Variants in DCAF7 observed in about 807,000 individuals in gnomAD.
DCAF7 encodes DDB1- and CUL4-associated factor 7.
DCAF7 carries 4 observed loss-of-function variants against 41.2 expected under a neutral mutation model. The observed-to-expected ratio is 0.10, with a 90% CI of 0.05 to 0.22. The LOEUF is 0.22. Among genes scored for constraint, DCAF7 ranks in the 10% least tolerant of loss-of-function variants. The pLI, the probability that DCAF7 is intolerant of heterozygous loss-of-function variation, is 1.00. For synonymous variants in DCAF7, 143 were observed against 164.2 expected, an observed-to-expected ratio of 0.87 and a Z score of 0.99; for missense variants, 131 against 443.2, an observed-to-expected ratio of 0.30 and a Z score of 6.32.
At chr17:63,564,645 C>T (rs2033421349) in intron 1 of DCAF7, among the ~76,000 whole-genome samples, 1 of 152,222 alleles carries the variant, frequency 6.6e-6, no homozygotes. Flanking sequence ...GGAGGATGGT[C>T]AGGCCCATTC....
chr17:63,575,056 C>G (rs771015192), intron 1 of DCAF7, among the ~76,000 whole-genome samples: 1 of 151,914 alleles, frequency 6.6e-6, no homozygotes, highest in Non-Finnish European at 1.5e-5. Context: ...GTAGCTCATG[C>G]CAATAATCCC....
rs759789614 is a variant in DCAF7, at chr17:63,550,510, G to A, written c.-168G>A. 1.1e-5 allele frequency: 12 copies of A among 1,105,310 alleles called. No individual in the cohort carries two copies. The highest frequency in any genetic ancestry group is 2.7e-5 in the East Asian group (1 of 37,354). The allele number at this position is 1,105,310 out of a possible 1,614,324, so 68.5% of individuals were successfully genotyped here. On this transcript the variant is annotated 5_prime_UTR_variant, in exon 1 of 7. Coordinates refer to ENST00000614556, the MANE Select transcript of DCAF7 (RefSeq NM_005828.5). This position sits in a 1 kb window ranked among gnomAD's most constrained non-coding sequence, Gnocchi z 4.8. Reference sequence around the variant, plus strand: ...TTCCCAAGCTGGTTTGAAACTAGGGGTCGGGCTCGGCCGTCGTCGTTGTTT... The same window carrying A: ...TTCCCAAGCTGGTTTGAAACTAGGGATCGGGCTCGGCCGTCGTCGTTGTTT...
intron 1 of DCAF7, among the ~76,000 whole-genome samples, chr17:63,565,505 G>A (rs2033430764): frequency 6.6e-6 from 1 of 152,074 alleles, no homozygotes; most frequent in Admixed American, 6.6e-5. Flanking sequence ...GGTAGAAGTT[G>A]TGGTGAGCCA....
At chr17:63,570,928 G>A (rs528878536) in intron 1 of DCAF7, among the ~76,000 whole-genome samples, 2 of 152,272 alleles carry the variant, frequency 1.3e-5, no homozygotes, top group Non-Finnish European at 2.9e-5. Flanking sequence ...GCTCATGCCT[G>A]TAATCCCAGC....
chr17:63,570,031 T>C (rs2033488347), intron 1 of DCAF7, among the ~76,000 whole-genome samples: 1 of 152,106 alleles, frequency 6.6e-6, no homozygotes, highest in Admixed American at 6.5e-5. Context: ...TTTTTCCAAG[T>C]ACTTTGGTAA....
In DCAF7 at chr17:63,550,614, G is replaced by T; in HGVS notation, c.-64G>T. 1 of 1,592,950 alleles carries T rather than the reference G, an allele frequency of 6.3e-7. No individual in the cohort carries two copies. ...CTCCCTTCGGACCCATAGATCTCAGGCTCGGCTCCCCGCCCGCCGCAGCCC... is the reference window on the plus strand; with the variant it reads ...CTCCCTTCGGACCCATAGATCTCAGTCTCGGCTCCCCGCCCGCCGCAGCCC... On this transcript the variant is annotated 5_prime_UTR_variant, in exon 1 of 7. Transcript: ENST00000614556. This position sits in a 1 kb window ranked among gnomAD's most constrained non-coding sequence, Gnocchi z 4.8.
chr17:63,551,142 T>C (rs1036316826), intron 1 of DCAF7, among the ~76,000 whole-genome samples: 22 of 152,112 alleles, frequency 1.4e-4, no homozygotes, highest in African/African-American at 4.3e-4. Flanking sequence ...CATCCCGTGC[T>C]CTCCACTCCT....
chr17:63,577,795 C>T (rs2033578536), intron 1 of DCAF7, among the ~76,000 whole-genome samples: 1 of 152,158 alleles, frequency 6.6e-6, no homozygotes, highest in African/African-American at 2.4e-5. Context: ...GTCATTGTGG[C>T]AGCCAAGAAC....
At chr17:63,577,722 A>G (rs760773691) in intron 1 of DCAF7, among the ~76,000 whole-genome samples, 1 of 152,274 alleles carries the variant, frequency 6.6e-6, no homozygotes, top group Non-Finnish European at 1.5e-5. Context: ...AGTTTGTTTA[A>G]TGAAATTGCA....
rs1343671828 is a variant in DCAF7 at position 63,593,027 on chromosome 17, A to T, written c.*3855A>T. On this transcript the variant is annotated 3_prime_UTR_variant, in exon 7 of 7. Transcript: ENST00000614556. ...CAGGGTTTACCACACGTGGGAGGGC[A>T]GCCCAGTACTGTCCCTCTGCCTTCC... is the stretch of plus-strand genomic sequence containing the variant. The T allele has an allele frequency of 3.9e-5, 6 of 152,266 alleles. No individual in the cohort carries two copies. Among genetic ancestry groups the T allele is most frequent in the Non-Finnish European group, 8.8e-5 (6 of 68,064 alleles). 9.4% of individuals were successfully genotyped at this position (152,266 alleles called of 1,614,324 possible).
At position 63,583,685 on chromosome 17, in the gene DCAF7, G is replaced by T. The variant is rs754893586; in HGVS notation, c.712G>T (p.Ala238Ser). The T allele has an allele frequency of 5.0e-6, 8 of 1,613,852 alleles. No homozygotes were observed. Among genetic ancestry groups the T allele is most frequent in the Non-Finnish European group, 6.8e-6 (8 of 1,179,826 alleles). The change falls in exon 5 of 7, where the codon GCC becomes TCC. Residue 238 changes from alanine (A) to serine (S), a missense_variant. Transcript: ENST00000614556. ...GAACAAGCAGGACCCTAACTACCTG[G>T]CCACCATGGCCATGGATGGAATGGA... ...CWNKQDPNYLATMAMDGMEVV... is the reference protein window; with the variant it reads ...CWNKQDPNYLSTMAMDGMEVV...
At chr17:63,572,988 C>T (rs1209748080) in intron 1 of DCAF7, among the ~76,000 whole-genome samples, 1 of 152,170 alleles carries the variant, frequency 6.6e-6, no homozygotes, top group Non-Finnish European at 1.5e-5. Context: ...GTCTCGAATT[C>T]CTGGGCTCAA....
In DCAF7 at chr17:63,590,789, T is replaced by A. The variant is rs1288434343; in HGVS notation, c.*1617T>A. The A allele has an allele frequency of 6.6e-6, 1 of 152,246 alleles. No individual in the cohort carries two copies. Among genetic ancestry groups the A allele is most frequent in the Non-Finnish European group, 1.5e-5 (1 of 68,048 alleles). The allele number at this position is 152,246 out of a possible 1,614,324, so 9.4% of individuals were successfully genotyped here. A position where few individuals can be genotyped will look rare whatever the true frequency, so the allele number is the denominator to read the frequency against. ...TTTGTCCTCTTTGGTTCTCACCTGCTTGAGAAGTAAAACAGTAACTTTGTT... is the reference window on the plus strand; with the variant it reads ...TTTGTCCTCTTTGGTTCTCACCTGCATGAGAAGTAAAACAGTAACTTTGTT... On this transcript the variant is annotated 3_prime_UTR_variant, in exon 7 of 7. Coordinates refer to ENST00000614556, the MANE Select transcript of DCAF7 (RefSeq NM_005828.5).
intron 6 of DCAF7, 109 bp from the exon 7 acceptor site, chr17:63,588,891 C>T: frequency 3.4e-6 from 4 of 1,187,554 alleles, no homozygotes; most frequent in East Asian, 2.6e-5. Context: ...TAAAATAGAA[C>T]CGCCATCACG....
Position 63,569,453 on chromosome 17 carries a change from G to C in DCAF7, c.139-9017G>C, listed in dbSNP as rs576387297. 2.0e-4 allele frequency among the ~76,000 whole-genome samples: 30 copies of C among 151,838 alleles called. No individual in the cohort carries two copies. The South Asian group carries it at 6.3e-3, about 32-fold the overall frequency. On this transcript the variant is annotated intron_variant, in intron 1 of 6. Coordinates refer to ENST00000614556, the MANE Select transcript of DCAF7 (RefSeq NM_005828.5). ...CCTTCAGAGGGTGGGGACCAAGCAG[G>C]CATAGTTTTTAAGCTGCCCTGCAAA...
At chr17:63,581,344 G>T (rs567399753) in intron 4 of DCAF7, among the ~76,000 whole-genome samples, 196 of 152,336 alleles carry the variant, frequency 1.3e-3, no homozygotes, top group African/African-American at 4.5e-3. Context: ...TCCAGGGGCT[G>T]CTTATACAGA....
intron 1 of DCAF7, among the ~76,000 whole-genome samples, chr17:63,566,171 C>T (rs1024707734): frequency 4.0e-5 from 6 of 151,716 alleles, no homozygotes; most frequent in Non-Finnish European, 7.4e-5. Context: ...GAGATCGAGA[C>T]CATCCTGGCT....
intron 4 of DCAF7, 44 bp downstream of exon 4, chr17:63,579,987 GCCTTC>G (rs758649844): frequency 3.1e-5 from 46 of 1,490,858 alleles, no homozygotes; most frequent in Non-Finnish European, 4.1e-5. Flanking sequence ...TGCTTCCTGT[GCCTTC>G]CGCACAGGAA....
At chr17:63,587,308 C>T (rs868501886) in intron 6 of DCAF7, among the ~76,000 whole-genome samples, 3 of 151,414 alleles carry the variant, frequency 2.0e-5, no homozygotes, top group Middle Eastern at 3.4e-3. Flanking sequence ...TGTGGTCTGT[C>T]TTCTTCATTA....
Sources: gnomAD v4.1 joint callset for allele counts (sites outside exome capture counted in the v4.1 genomes callset) on GRCh38, gnomAD v4.1.1 for gene constraint, Gnocchi (gnomAD v3.1) non-coding constraint, MANE v1.5 for transcripts, NCBI Gene and HGNC (gene_info 2026-07-23, HGNC 2026-07-21) for gene names.